The following MYO9B variants were observed in gnomAD, a reference collection of about 807,000 sequenced individuals.
MYO9B encodes the protein myosin IXB.
A neutral mutation model predicts 229.5 loss-of-function variants in MYO9B; 71 were observed. The observed-to-expected ratio is 0.31, with a 90% CI of 0.26 to 0.38. The LOEUF is 0.38. Among genes scored for constraint, MYO9B ranks in the 10% least tolerant of loss-of-function variants. MYO9B has a pLI of 1.00. For missense variants in MYO9B, 2,255 were observed against 2,920.5 expected, an observed-to-expected ratio of 0.77 and a Z score of 5.25; for synonymous variants, 1,185 against 1,235.8, an observed-to-expected ratio of 0.96 and a Z score of 0.86.
In MYO9B at chr19:17,211,719, G is replaced by A. The variant is rs757234530; in HGVS notation, c.6003G>A (p.Thr2001=). 15 of 1,612,560 alleles carry A rather than the reference G, an allele frequency of 9.3e-6. No homozygotes were observed. The highest frequency in any genetic ancestry group is 5.0e-5 in the Admixed American group (3 of 59,882). Residue 2001 remains threonine (T), a synonymous_variant, in exon 39 of 40, where the codon ACG becomes ACA. Transcript: ENST00000682292. The stretch of plus-strand genomic sequence containing the variant: ...ACGAGGAGAACCTGGACTCGGAGAC[G>A]TCGGCCAGCACCGAGAGCCTGCTGG... The part of the protein sequence containing the change: ...GSDEENLDSE[T]SASTESLLEE...
At chr19:17,126,617 G>A (rs1418854385) in intron 2 of MYO9B, among the ~76,000 whole-genome samples, 1 of 151,494 alleles carries the variant, frequency 6.6e-6, no homozygotes, top group Non-Finnish European at 1.5e-5. Context: ...GCTGAAAATT[G>A]AATTTCACAT....
chr19:17,189,658 TC>T (rs1394166123), intron 19 of MYO9B, among the ~76,000 whole-genome samples: 1 of 151,598 alleles, frequency 6.6e-6, no homozygotes, highest in Non-Finnish European at 1.5e-5. Flanking sequence ...ACAATCTAAC[TC>T]CCCCACAAGT....
chr19:17,175,720 C>G lies in MYO9B; in HGVS notation c.2198C>G (p.Thr733Ser), dbSNP rs1358514633. ...GAAGAGCTGCCAAGAGGAGCCAGCACCCCTTCGGAAAAACTTTACCGGTGA... is the reference window on the plus strand; with the variant it reads ...GAAGAGCTGCCAAGAGGAGCCAGCAGCCCTTCGGAAAAACTTTACCGGTGA... ...HPEELPRGAS[T>S]PSEKLYRDLH... The change falls in exon 14 of 40, where the codon ACC becomes AGC. Residue 733 changes from threonine (T) to serine (S), a missense_variant. Thr to Ser is a moderately conservative substitution (Grantham distance 58). This residue lies in a region of MYO9B where 155 missense variants were observed against 159.1 expected (regional missense o/e 0.97). Coordinates refer to ENST00000682292, the MANE Select transcript of MYO9B (RefSeq NM_004145.4). 8.3e-6 allele frequency: 13 copies of G among 1,575,332 alleles called. No individual in the cohort carries two copies. The highest frequency in any genetic ancestry group is 1.7e-4 in the Middle Eastern group (1 of 5,998).
chr19:17,077,506 C>T (rs2057496780), intron 1 of MYO9B, among the ~76,000 whole-genome samples: 1 of 152,184 alleles, frequency 6.6e-6, no homozygotes, highest in Non-Finnish European at 1.5e-5. Context: ...CCGGGATCTT[C>T]TGATCCCGCA....
chr19:17,091,417 C>T lies in MYO9B; in HGVS notation c.-58-10243C>T, dbSNP rs151155602. Among the ~76,000 whole-genome samples the T allele has an allele frequency of 2.9e-3, 448 of 152,178 alleles. 4 individuals carry two copies. The highest frequency in any genetic ancestry group is 9.8e-3 in the African/African-American group (407 of 41,512). On this transcript the variant is annotated intron_variant, in intron 1 of 39. Transcript: ENST00000682292. ...ATTTTTTAATTTTTTATAGAGATGG[C>T]GTCTTGTGGCCAGGCACAGTGGCTC... is the stretch of plus-strand genomic sequence containing the variant.
intron 1 of MYO9B, among the ~76,000 whole-genome samples, chr19:17,082,853 T>C (rs2057545820): frequency 6.6e-6 from 1 of 151,810 alleles, no homozygotes; most frequent in Admixed American, 6.6e-5. Context: ...AGGGTTGGGG[T>C]GTCCTGGAGT....
intron 22 of MYO9B, 122 bp from the exon 23 acceptor site, chr19:17,197,670 C>T (rs2073060895): frequency 5.4e-6 from 6 of 1,108,528 alleles, no homozygotes; most frequent in Non-Finnish European, 8.0e-6. Context: ...TGTCTCTAGA[C>T]ATTGCCAAGT....
Position 17,172,815 on chromosome 19 carries a change from G to A in MYO9B, c.1992G>A (p.Arg664=). 6.2e-7 allele frequency: 1 copy of A among 1,613,068 alleles called. No individual in the cohort carries two copies. Residue 664 remains arginine, a synonymous_variant, in exon 13 of 40, where the codon CGG becomes CGA. Transcript: ENST00000682292. This position sits in a 1 kb window ranked among gnomAD's most constrained non-coding sequence, Gnocchi z 8.2. The part of the protein sequence containing the change: ...YMRPDIVALL[R]GSDSSYVREL... The stretch of plus-strand genomic sequence containing the variant: ...GGCCAGACATCGTGGCCCTGCTGCG[G>A]GGCAGTGACAGCTCCTACGTGCGGG...
chr19:17,180,493 G>T (rs1177375317), intron 14 of MYO9B, among the ~76,000 whole-genome samples: 2 of 151,530 alleles, frequency 1.3e-5, no homozygotes, highest in Non-Finnish European at 2.9e-5. Flanking sequence ...GGGATTACAG[G>T]TGCCCTCCAC....
chr19:17,090,416 G>A (rs1412570352), intron 1 of MYO9B, among the ~76,000 whole-genome samples: 1 of 152,140 alleles, frequency 6.6e-6, no homozygotes, highest in Non-Finnish European at 1.5e-5. Context: ...CTCGCAAAGT[G>A]CTGAGATTAG....
chr19:17,086,716 C>A (rs1277351641), intron 1 of MYO9B, among the ~76,000 whole-genome samples: 2 of 152,096 alleles, frequency 1.3e-5, no homozygotes, highest in South Asian at 4.1e-4. Context: ...CCTGTCTCTA[C>A]TAAAAATACA....
chr19:17,081,395 T>C (rs565614099), intron 1 of MYO9B, among the ~76,000 whole-genome samples: 1 of 152,242 alleles, frequency 6.6e-6, no homozygotes, highest in South Asian at 2.1e-4. Flanking sequence ...AATAGGTCCA[T>C]TTTGTCTCTT....
At chr19:17,160,283 G>A (rs989721183) in intron 8 of MYO9B, among the ~76,000 whole-genome samples, 2 of 152,000 alleles carry the variant, frequency 1.3e-5, no homozygotes, top group African/African-American at 2.4e-5. Context: ...CCCAAGACCC[G>A]AGCAGCACTG....
chr19:17,197,471 G>A (rs1272513788), intron 22 of MYO9B, among the ~76,000 whole-genome samples: 2 of 151,076 alleles, frequency 1.3e-5, no homozygotes, highest in Admixed American at 6.6e-5. Context: ...TAGATGGGCA[G>A]GCAGGCAGGG....
At chr19:17,097,405 A>ATAAAAATAAAAG (rs1162229294) in intron 1 of MYO9B, among the ~76,000 whole-genome samples, 2 of 152,150 alleles carry the variant, frequency 1.3e-5, no homozygotes, top group African/African-American at 4.8e-5. Context: ...AAAAATAAAA[A>ATAAAAATAAAAG]TAAACCAGGC....
Position 17,205,336 on chromosome 19 carries a change from G to A in MYO9B, c.5064G>A (p.Lys1688=). Residue 1688 remains lysine, a splice_region_variant and synonymous_variant, in exon 31 of 40, where the codon AAG becomes AAA. Transcript: ENST00000682292. The part of the protein sequence containing the change: ...QSHCSYTYGR[K]GEPGVEPGHF... ...ACTGCTCCTACACCTACGGGAGGAA[G>A]GTGAGTGTACGAGGCCTGGAACTTT... 6.2e-7 allele frequency: 1 copy of A among 1,613,602 alleles called. No individual in the cohort carries two copies. Among genetic ancestry groups the A allele is most frequent in the Non-Finnish European group, 8.5e-7 (1 of 1,179,616 alleles).
intron 2 of MYO9B, among the ~76,000 whole-genome samples, chr19:17,115,311 G>A (rs766350779): frequency 2.2e-4 from 34 of 152,078 alleles, no homozygotes; most frequent in Non-Finnish European, 3.4e-4. Context: ...TGAGTGCAGA[G>A]CCGAGTAATT....
chr19:17,201,912 C>T lies in MYO9B; in HGVS notation c.4564-14C>T. On this transcript the variant is annotated splice_polypyrimidine_tract_variant and intron_variant, in intron 26 of 39. Coordinates refer to ENST00000682292, the MANE Select transcript of MYO9B (RefSeq NM_004145.4). ...GGCCTGAGGCACGCAGGGTCAGTTC[C>T]TCTCCCCTTCCAGATAAATGACCTC... is the stretch of plus-strand genomic sequence containing the variant. The T allele has an allele frequency of 1.2e-6, 2 of 1,605,710 alleles. No homozygotes were observed.
At chr19:17,170,294 C>T (rs1249804749) in intron 11 of MYO9B, among the ~76,000 whole-genome samples, 1 of 152,034 alleles carries the variant, frequency 6.6e-6, no homozygotes, top group Non-Finnish European at 1.5e-5. Context: ...CCCTATTTTC[C>T]AAATAAGGTC....
Sources: allele counts gnomAD v4.1 joint callset (sites outside exome capture counted in the v4.1 genomes callset), GRCh38; gene constraint gnomAD v4.1.1; regional missense constraint gnomAD v4.1.1; non-coding constraint Gnocchi (gnomAD v3.1); transcripts MANE v1.5; gene names NCBI Gene and HGNC (gene_info 2026-07-23, HGNC 2026-07-21).